SLC35F4: variants seen among roughly 807,000 people sequenced by gnomAD.
The protein encoded by SLC35F4 is solute carrier family 35 member F4.
In SLC35F4, 24 loss-of-function variants were observed where a neutral mutation model predicts 44.2. The observed-to-expected ratio is 0.54, with a 90% CI of 0.39 to 0.76. The LOEUF is 0.76. Ranked by LOEUF, SLC35F4 falls within the 30% of genes least tolerant of loss-of-function variation. The pLI is 0.00. For missense variants in SLC35F4, 562 were observed against 586.1 expected (o/e 0.96, Z 0.42); for synonymous variants, 238 against 223.6 (o/e 1.06, Z -0.57).
intron 1 of SLC35F4, among the ~76,000 whole-genome samples, chr14:57,608,772 A>T (rs1295934089): frequency 1.4e-5 from 2 of 141,974 alleles, no homozygotes; most frequent in African/African-American, 5.4e-5. Context: ...AAAGAAAAGC[A>T]GCCCAAAAGA....
At position 57,581,881 on chromosome 14, in the gene SLC35F4, CAT is replaced by C. The variant is rs529404584; in HGVS notation, c.588-450_588-449del. Among the ~76,000 whole-genome samples the C allele has an allele frequency of 5.5e-3, 836 of 152,318 alleles. 7 individuals are homozygous for C. Among genetic ancestry groups the C allele is most frequent in the Middle Eastern group, 0.017 (5 of 294 alleles). Reference sequence around the variant, plus strand: ...GACCCTCATACATCTGTGCAGCACACATGTTTTTGGATTTTATTTCTAAGACA... The same window carrying C: ...GACCCTCATACATCTGTGCAGCACACGTTTTTGGATTTTATTTCTAAGACA... On this transcript the variant is annotated intron_variant, in intron 3 of 7. Transcript: ENST00000556826.
chr14:57,672,474 A>T (rs962689459), intron 1 of SLC35F4, among the ~76,000 whole-genome samples: 4 of 152,154 alleles, frequency 2.6e-5, no homozygotes, highest in Non-Finnish European at 5.9e-5. Flanking sequence ...TTATGAAGGA[A>T]AAATTCAGGT....
At chr14:57,888,158 A>G (rs1888691156) in intron 1 of SLC35F4, among the ~76,000 whole-genome samples, 3 of 152,176 alleles carry the variant, frequency 2.0e-5, no homozygotes, top group African/African-American at 7.2e-5. Context: ...TTATACCAAG[A>G]AGAACCTCAG....
intron 1 of SLC35F4, among the ~76,000 whole-genome samples, chr14:57,733,479 C>G (rs2076394334): frequency 6.7e-6 from 1 of 150,106 alleles, no homozygotes. Flanking sequence ...TTAGATATAG[C>G]CAGAAAAAGC....
chr14:57,839,366 G>A (rs1885265285), intron 1 of SLC35F4, among the ~76,000 whole-genome samples: 1 of 152,136 alleles, frequency 6.6e-6, no homozygotes, highest in South Asian at 2.1e-4. Flanking sequence ...TTAAAAATGT[G>A]CACACATATA....
At position 57,695,401 on chromosome 14, in the gene SLC35F4, C is replaced by G. The variant is rs1186682081; in HGVS notation, c.104-101277G>C. On this transcript the variant is annotated intron_variant, in intron 1 of 7. Coordinates refer to ENST00000556826, the MANE Select transcript of SLC35F4 (RefSeq NM_001306087.2). ...TTCTCAAAAGAAGACATTTATGCAG[C>G]CAAAAAACACATGAAAAAACGCTCA... Among the ~76,000 whole-genome samples the G allele has an allele frequency of 2.6e-5, 4 of 151,492 alleles. 1 individual carries two copies. Among genetic ancestry groups the G allele is most frequent in the South Asian group, 2.1e-4 (1 of 4,732 alleles).
At chr14:57,821,849 GAGGC>G (rs1826740926) in intron 1 of SLC35F4, among the ~76,000 whole-genome samples, 1 of 152,162 alleles carries the variant, frequency 6.6e-6, no homozygotes, top group African/African-American at 2.4e-5. Context: ...CAGTTCTGAG[GAGGC>G]CAGCATACAG....
rs560988875 is a variant in SLC35F4, at chr14:57,791,483, G to T, written c.103+74240C>A. 1.1e-4 allele frequency among the ~76,000 whole-genome samples: 17 copies of T among 152,300 alleles called. 1 individual carries two copies. The South Asian group carries it at 3.3e-3, about 30-fold the overall frequency. On this transcript the variant is annotated intron_variant, in intron 1 of 7. Transcript: ENST00000556826. ...ATCATTAAAAAGTCAGGAAACAACA[G>T]ATGCTGGAGAGGATGTGGAGAAAGA... is the stretch of plus-strand genomic sequence containing the variant.
chr14:57,767,788 G>A (rs530010564), intron 1 of SLC35F4, among the ~76,000 whole-genome samples: 31 of 151,728 alleles, frequency 2.0e-4, no homozygotes, highest in African/African-American at 7.0e-4. Flanking sequence ...CAAAAACAGA[G>A]AAAAGATACA....
chr14:57,735,393 C>CT (rs1225152735), intron 1 of SLC35F4, among the ~76,000 whole-genome samples: 1 of 152,206 alleles, frequency 6.6e-6, no homozygotes, highest in Non-Finnish European at 1.5e-5. Context: ...GGAGCTGTTA[C>CT]TTTGCTGGTT....
Position 57,682,050 on chromosome 14 carries a change from G to A in SLC35F4, c.104-87926C>T, listed in dbSNP as rs529028765. 1.6e-4 allele frequency among the ~76,000 whole-genome samples: 24 copies of A among 152,252 alleles called. No individual in the cohort carries two copies. In the South Asian group the frequency reaches 4.8e-3, roughly 30 times the overall value. On this transcript the variant is annotated intron_variant, in intron 1 of 7. Transcript: ENST00000556826. ...GAACACTTTTACACTGTTGGTTAGA[G>A]TGTAAATTAGTTCAGTCATTGTGGA...
At chr14:57,719,581 T>C (rs1179025819) in intron 1 of SLC35F4, among the ~76,000 whole-genome samples, 2 of 88,202 alleles carry the variant, frequency 2.3e-5, no homozygotes, top group East Asian at 5.8e-4. Flanking sequence ...TATTTGTGGC[T>C]ATTTTTCCTG....
chr14:57,629,618 G>T (rs2072663522), intron 1 of SLC35F4, among the ~76,000 whole-genome samples: 1 of 152,068 alleles, frequency 6.6e-6, no homozygotes, highest in South Asian at 2.1e-4. Flanking sequence ...ATTAAAATGT[G>T]CCCATAAATA....
At position 57,758,001 on chromosome 14, in the gene SLC35F4, A is replaced by ATGTGTGTGTG. The variant is rs34860997; in HGVS notation, c.103+107712_103+107721dup. 4.9e-3 allele frequency among the ~76,000 whole-genome samples: 634 copies of ATGTGTGTGTG among 128,976 alleles called. 3 individuals carry two copies. Among genetic ancestry groups the ATGTGTGTGTG allele is most frequent in the African/African-American group, 0.011 (388 of 34,678 alleles). The allele number at this position is 128,976 out of a possible 152,430, so 84.6% of individuals were successfully genotyped here. On this transcript the variant is annotated intron_variant, in intron 1 of 7. Transcript: ENST00000556826. ...TTTCTGGGTATAGGATTATAGGTTC[A>ATGTGTGTGTG]TGTGTGTGTGTGTGTGTGTGTGTGT...
rs1349906110 is a variant in SLC35F4, at chr14:57,691,225, GC to G, written c.104-97102del. ...AGGTGAAACCTCATGCTCACTTTCTGCCAACCAGCTTTTGGGTAACATAGCA... is the reference window on the plus strand; with the variant it reads ...AGGTGAAACCTCATGCTCACTTTCTGCAACCAGCTTTTGGGTAACATAGCA... On this transcript the variant is annotated intron_variant, in intron 1 of 7. Transcript: ENST00000556826. Among the ~76,000 whole-genome samples, 10 of 152,256 alleles carry G rather than the reference GC, an allele frequency of 6.6e-5. No individual in the cohort carries two copies. The South Asian group carries it at 1.9e-3, about 28-fold the overall frequency.
chr14:57,815,088 T>C (rs1882411892), intron 1 of SLC35F4, among the ~76,000 whole-genome samples: 1 of 152,202 alleles, frequency 6.6e-6, no homozygotes, highest in South Asian at 2.1e-4. Context: ...CAGAGTTAAC[T>C]AGTTTCAAAA....
chr14:57,956,238 T>C (rs376483159), intron 1 of SLC35F4, among the ~76,000 whole-genome samples: 11 of 152,350 alleles, frequency 7.2e-5, no homozygotes, highest in African/African-American at 2.4e-4. Flanking sequence ...GCTAGCCATA[T>C]GCAGAAAACT....
At chr14:57,748,582 T>C (rs1355216005) in intron 1 of SLC35F4, among the ~76,000 whole-genome samples, 2 of 152,154 alleles carry the variant, frequency 1.3e-5, no homozygotes, top group African/African-American at 4.8e-5. Flanking sequence ...TTTAACAAGA[T>C]ACCAAAGAAA....
intron 3 of SLC35F4, among the ~76,000 whole-genome samples, chr14:57,587,270 A>C (rs2069819944): frequency 6.6e-6 from 1 of 152,216 alleles, no homozygotes; most frequent in Non-Finnish European, 1.5e-5. Context: ...GCAATCCCAT[A>C]ACTGGGTATA....
Sources: gnomAD v4.1 joint callset for allele counts (sites outside exome capture counted in the v4.1 genomes callset) on GRCh38, gnomAD v4.1.1 for gene constraint, MANE v1.5 for transcripts, NCBI Gene and HGNC (gene_info 2026-07-23, HGNC 2026-07-21) for gene names.